FHOD3: variants seen among roughly 807,000 people sequenced by gnomAD.
FHOD3 encodes the protein formin homology 2 domain containing 3, also known as FH1/FH2 domain-containing protein 3.
In FHOD3, 90 loss-of-function variants were observed where a neutral mutation model predicts 173.0. The observed-to-expected ratio is 0.52, with a 90% confidence interval of 0.44 to 0.62. The LOEUF is 0.62. Among genes scored for constraint, FHOD3 ranks in the 20% least tolerant of loss-of-function variants. The probability of loss-of-function intolerance (pLI) is 0.00; values close to 1 mark genes in which losing one functional copy is unlikely to be tolerated. For missense variants in FHOD3, 1,945 were observed against 2,034.7 expected (o/e 0.96, Z 0.85); for synonymous variants, 828 against 823.0 (o/e 1.01, Z -0.10).
intron 6 of FHOD3, among the ~76,000 whole-genome samples, chr18:36,582,828 C>T (rs569830398): frequency 3.3e-5 from 5 of 152,288 alleles, no homozygotes; most frequent in South Asian, 4.1e-4. Flanking sequence ...CTGTTGCCTC[C>T]GTTTGAACCG....
intron 3 of FHOD3, among the ~76,000 whole-genome samples, chr18:36,412,798 G>A (rs559741689): frequency 9.8e-5 from 15 of 152,300 alleles, no homozygotes; most frequent in Non-Finnish European, 1.5e-4. Context: ...ACAAAAAGCC[G>A]ATATATAATG....
At chr18:36,718,901 C>T (rs1313627254) in intron 19 of FHOD3, among the ~76,000 whole-genome samples, 186 bp downstream of exon 19, 2 of 152,164 alleles carry the variant, frequency 1.3e-5, no homozygotes, top group Admixed American at 6.5e-5. Context: ...GAGTCAGAGA[C>T]CCTTATTAGC....
At chr18:36,356,980 C>A (rs545899713) in intron 2 of FHOD3, among the ~76,000 whole-genome samples, 2 of 152,236 alleles carry the variant, frequency 1.3e-5, no homozygotes, top group African/African-American at 4.8e-5. Flanking sequence ...TTTCATCACC[C>A]TCCTCTTCAG....
intron 4 of FHOD3, among the ~76,000 whole-genome samples, chr18:36,506,814 TA>T (rs939212612): frequency 6.8e-4 from 104 of 152,332 alleles, no homozygotes; most frequent in African/African-American, 2.1e-3. Flanking sequence ...CAAAGATTTC[TA>T]AGACAAAAAC....
At chr18:36,641,093 CGAACGCTGTGCT>C (rs2035271171) in intron 10 of FHOD3, among the ~76,000 whole-genome samples, 1 of 152,008 alleles carries the variant, frequency 6.6e-6, no homozygotes, top group South Asian at 2.1e-4. Flanking sequence ...GCCTCTGTGC[CGAACGCTGTGCT>C]AGGTCCTCAG....
chr18:36,638,698 G>T (rs536487349), intron 10 of FHOD3, among the ~76,000 whole-genome samples: 1 of 152,298 alleles, frequency 6.6e-6, no homozygotes, highest in South Asian at 2.1e-4. Flanking sequence ...GAGGGCCTGA[G>T]CATTCACCTT....
intron 3 of FHOD3, among the ~76,000 whole-genome samples, chr18:36,473,910 T>A (rs1211680518): frequency 6.6e-6 from 1 of 152,226 alleles, no homozygotes. Context: ...GGAAGCATCC[T>A]TGGGTATTAG....
At position 36,723,016 on chromosome 18, in the gene FHOD3, C is replaced by T. The variant is rs2040866891; in HGVS notation, c.3417+4301C>T. On this transcript the variant is annotated intron_variant, in intron 19 of 28. Transcript: ENST00000590592. ...GGACTTCAGCAGGGCTGAAGTGTGC[C>T]CAGACACTTCTGGTGTGTGCCTGCT... Among the ~76,000 whole-genome samples the T allele has an allele frequency of 2.6e-5, 4 of 152,112 alleles. No individual in the cohort carries two copies. The South Asian group carries it at 8.3e-4, about 32-fold the overall frequency.
chr18:36,387,625 G>A (rs931508035), intron 3 of FHOD3, among the ~76,000 whole-genome samples: 2 of 152,162 alleles, frequency 1.3e-5, no homozygotes, highest in Non-Finnish European at 2.9e-5. Flanking sequence ...ATCCACTTTC[G>A]TGATTCTAAC....
chr18:36,446,271 C>A (rs183779665), intron 3 of FHOD3, among the ~76,000 whole-genome samples: 1 of 152,254 alleles, frequency 6.6e-6, no homozygotes, highest in Admixed American at 6.5e-5. Context: ...GCCCTGGGGG[C>A]TCTCAGAATG....
chr18:36,390,430 C>G (rs927960856), intron 3 of FHOD3, among the ~76,000 whole-genome samples: 4 of 152,158 alleles, frequency 2.6e-5, no homozygotes, highest in African/African-American at 9.7e-5. Flanking sequence ...GGGTGTGCAG[C>G]CAGATGCCTC....
intron 3 of FHOD3, among the ~76,000 whole-genome samples, chr18:36,395,165 T>G (rs9961730): frequency 1.3e-5 from 2 of 151,158 alleles, no homozygotes; most frequent in African/African-American, 4.9e-5. Flanking sequence ...TTTTTTTTTC[T>G]TTTTTTGTGT....
chr18:36,593,990 A>G (rs1050260233), intron 6 of FHOD3, among the ~76,000 whole-genome samples: 2 of 152,160 alleles, frequency 1.3e-5, no homozygotes, highest in Admixed American at 1.3e-4. Context: ...AGTCAAGGGC[A>G]AAATTGTGGG....
intron 3 of FHOD3, among the ~76,000 whole-genome samples, chr18:36,491,288 GA>G (rs1028761679): frequency 2.0e-5 from 3 of 152,032 alleles, no homozygotes; most frequent in Non-Finnish European, 4.4e-5. Flanking sequence ...AAATTTTACA[GA>G]AAAAAATATT....
At chr18:36,340,609 C>T (rs2145453022) in intron 1 of FHOD3, among the ~76,000 whole-genome samples, 1 of 149,050 alleles carries the variant, frequency 6.7e-6, no homozygotes, top group South Asian at 2.2e-4. Flanking sequence ...CTGGTTCTCT[C>T]TGGCTGCTGC....
intron 20 of FHOD3, among the ~76,000 whole-genome samples, chr18:36,734,750 T>G (rs1386714216): frequency 6.6e-6 from 1 of 152,202 alleles, no homozygotes; most frequent in Non-Finnish European, 1.5e-5. Context: ...TTAATGAGAT[T>G]TCCGGCTTGC....
At chr18:36,382,757 C>G (rs2047853990) in intron 3 of FHOD3, among the ~76,000 whole-genome samples, 1 of 151,634 alleles carries the variant, frequency 6.6e-6, no homozygotes, top group South Asian at 2.1e-4. Flanking sequence ...CAGATTCTGT[C>G]AACCCGAGAC....
chr18:36,375,458 T>A (rs757490914), intron 3 of FHOD3, among the ~76,000 whole-genome samples: 3 of 152,238 alleles, frequency 2.0e-5, no homozygotes, highest in Non-Finnish European at 2.9e-5. Context: ...GTTTGTCTCC[T>A]GGGCTTAAAA....
intron 3 of FHOD3, among the ~76,000 whole-genome samples, chr18:36,389,801 T>C (rs1197219043): frequency 6.6e-6 from 1 of 152,026 alleles, no homozygotes; most frequent in African/African-American, 2.4e-5. Flanking sequence ...CCTAGACTCC[T>C]TTCTGAGGAC....
Sources: allele counts gnomAD v4.1 joint callset (sites outside exome capture counted in the v4.1 genomes callset), GRCh38; gene constraint gnomAD v4.1.1; transcripts MANE v1.5; gene names NCBI Gene and HGNC (gene_info 2026-07-23, HGNC 2026-07-21).